MDGA2: variants seen among roughly 807,000 people sequenced by gnomAD.
The protein encoded by MDGA2 is MAM domain containing glycosylphosphatidylinositol anchor 2, also known as MAM domain-containing glycosylphosphatidylinositol anchor protein 2.
Under a neutral mutation model 117.8 loss-of-function variants are expected in MDGA2, and 40 were observed. The observed-to-expected ratio is 0.34, with a 90% CI of 0.26 to 0.44. MDGA2 has a LOEUF of 0.44. Ranked by LOEUF, MDGA2 falls within the 20% of genes least tolerant of loss-of-function variation. The pLI, the probability that MDGA2 is intolerant of heterozygous loss-of-function variation, is 1.00. For missense variants in MDGA2, 1,123 were observed against 1,250.6 expected (o/e 0.90, Z 1.54); for synonymous variants, 452 against 439.0 (o/e 1.03, Z -0.37).
At chr14:46,925,479 A>AT (rs1278583158) in intron 9 of MDGA2, among the ~76,000 whole-genome samples, 1 of 152,022 alleles carries the variant, frequency 6.6e-6, no homozygotes, top group Non-Finnish European at 1.5e-5. Flanking sequence ...TAAAAATACA[A>AT]AAATCAACTG....
At chr14:47,103,505 G>A (rs1880458478) in intron 5 of MDGA2, among the ~76,000 whole-genome samples, 1 of 152,106 alleles carries the variant, frequency 6.6e-6, no homozygotes. Flanking sequence ...GTATCATGCT[G>A]GGAAATTCTA....
chr14:46,845,381 A>G (rs898042295), intron 16 of MDGA2, among the ~76,000 whole-genome samples: 3 of 152,230 alleles, frequency 2.0e-5, no homozygotes, highest in Non-Finnish European at 4.4e-5. Context: ...TCTTTATAGC[A>G]GTATGAAGAT....
chr14:47,294,908 ACT>A (rs1027766742), intron 2 of MDGA2, among the ~76,000 whole-genome samples: 2 of 152,130 alleles, frequency 1.3e-5, no homozygotes, highest in African/African-American at 4.8e-5. Flanking sequence ...AGCATCAATA[ACT>A]CTGCAACAGC....
Position 47,177,893 on chromosome 14 carries a change from G to T in MDGA2, c.596-33619C>A, listed in dbSNP as rs140756343. 2.6e-3 allele frequency among the ~76,000 whole-genome samples: 403 copies of T among 152,124 alleles called. 6 individuals are homozygous for T. Among genetic ancestry groups the T allele is most frequent in the African/African-American group, 9.2e-3 (383 of 41,496 alleles). On this transcript the variant is annotated intron_variant, in intron 3 of 16. Transcript: ENST00000399232. Reference sequence around the variant, plus strand: ...ATATACATAATATATTAAACCTGCTGTACTAGTTTTGCATTTGTGAATTGT... The same window carrying T: ...ATATACATAATATATTAAACCTGCTTTACTAGTTTTGCATTTGTGAATTGT...
At chr14:46,918,313 T>A (rs903788819) in intron 10 of MDGA2, among the ~76,000 whole-genome samples, 1 of 152,168 alleles carries the variant, frequency 6.6e-6, no homozygotes, top group Admixed American at 6.5e-5. Flanking sequence ...TTAAACAATG[T>A]AGTAAGGAGT....
At chr14:46,965,372 T>C (rs1885987157) in intron 8 of MDGA2, among the ~76,000 whole-genome samples, 1 of 152,200 alleles carries the variant, frequency 6.6e-6, no homozygotes. Flanking sequence ...CATTCAATTT[T>C]CAATGGCCTG....
chr14:46,843,710 G>A (rs1409125881), intron 16 of MDGA2, among the ~76,000 whole-genome samples: 1 of 152,016 alleles, frequency 6.6e-6, no homozygotes, highest in Non-Finnish European at 1.5e-5. Context: ...GTTCATATGA[G>A]TAATCAGTGG....
chr14:47,414,656 A>G, intron 1 of MDGA2, among the ~76,000 whole-genome samples: 1 of 152,102 alleles, frequency 6.6e-6, no homozygotes. Flanking sequence ...GTGGATCTGA[A>G]ACCTGCCAAG....
intron 1 of MDGA2, among the ~76,000 whole-genome samples, chr14:47,409,212 T>C (rs1038009293): frequency 2.6e-5 from 4 of 152,326 alleles, no homozygotes; most frequent in African/African-American, 4.8e-5. Context: ...GTATTGAACA[T>C]AGCCCGTTAT....
At chr14:47,411,414 C>T (rs2138486334) in intron 1 of MDGA2, among the ~76,000 whole-genome samples, 1 of 152,158 alleles carries the variant, frequency 6.6e-6, no homozygotes, top group Non-Finnish European at 1.5e-5. Flanking sequence ...AATTATCATG[C>T]CTAGAACTAA....
chr14:47,261,225 A>T lies in MDGA2; in HGVS notation c.420+40186T>A, dbSNP rs541378617. Among the ~76,000 whole-genome samples the T allele has an allele frequency of 1.1e-3, 169 of 152,238 alleles. 1 individual carries two copies. Among genetic ancestry groups the T allele is most frequent in the Non-Finnish European group, 1.5e-3 (104 of 67,982 alleles). On this transcript the variant is annotated intron_variant, in intron 2 of 16. Coordinates refer to ENST00000399232, the MANE Select transcript of MDGA2 (RefSeq NM_001113498.3). ...TATCATGTTCTTCAGGCTTTTTAAAATTCAAGCCTTCAGATTTAAAACAAA... is the reference window on the plus strand; with the variant it reads ...TATCATGTTCTTCAGGCTTTTTAAATTTCAAGCCTTCAGATTTAAAACAAA...
chr14:46,867,764 A>C (rs1263585318), intron 14 of MDGA2, among the ~76,000 whole-genome samples: 2 of 152,036 alleles, frequency 1.3e-5, no homozygotes, highest in African/African-American at 4.8e-5. Context: ...TTAGTAAGTA[A>C]AGATATTGCT....
intron 5 of MDGA2, among the ~76,000 whole-genome samples, chr14:47,101,075 C>CA (rs1880280570): frequency 7.1e-6 from 1 of 140,110 alleles, no homozygotes; most frequent in African/African-American, 2.7e-5. Flanking sequence ...AATGGAGGGA[C>CA]GATAGATAGA....
chr14:46,946,170 C>T (rs1344624383), intron 9 of MDGA2, among the ~76,000 whole-genome samples: 1 of 151,920 alleles, frequency 6.6e-6, no homozygotes, highest in Admixed American at 6.6e-5. Context: ...TCTAAATTTC[C>T]TTTCTCTTCC....
At chr14:47,494,249 A>G (rs184139312) in intron 1 of MDGA2, among the ~76,000 whole-genome samples, 2 of 152,344 alleles carry the variant, frequency 1.3e-5, no homozygotes, top group Admixed American at 1.3e-4. Context: ...ATGAGATCAG[A>G]CTAATACATT....
intron 1 of MDGA2, among the ~76,000 whole-genome samples, chr14:47,402,184 G>T (rs1009546349): frequency 6.6e-6 from 1 of 152,094 alleles, no homozygotes; most frequent in Non-Finnish European, 1.5e-5. Flanking sequence ...ATTAAAAGTG[G>T]AATTTCAGAC....
At chr14:47,373,803 T>G (rs1185751261) in intron 1 of MDGA2, among the ~76,000 whole-genome samples, 1 of 152,128 alleles carries the variant, frequency 6.6e-6, no homozygotes, top group African/African-American at 2.4e-5. Flanking sequence ...TGGCCTGAAA[T>G]GGGTGAATTG....
intron 14 of MDGA2, among the ~76,000 whole-genome samples, chr14:46,867,110 C>A (rs1407531684): frequency 1.3e-5 from 2 of 152,108 alleles, no homozygotes; most frequent in Non-Finnish European, 2.9e-5. Context: ...TATTGTGGCA[C>A]TTTTCACAAC....
intron 3 of MDGA2, among the ~76,000 whole-genome samples, chr14:47,183,283 T>C (rs1884783177): frequency 6.6e-6 from 1 of 152,098 alleles, no homozygotes; most frequent in Non-Finnish European, 1.5e-5. Flanking sequence ...TCCAATTTTA[T>C]CACTCTCTAC....
Sources: allele counts gnomAD v4.1 joint callset (sites outside exome capture counted in the v4.1 genomes callset), GRCh38; gene constraint gnomAD v4.1.1; transcripts MANE v1.5; gene names NCBI Gene and HGNC (gene_info 2026-07-23, HGNC 2026-07-21).